Variants in HMGCS2 observed in about 807,000 individuals in gnomAD.
The protein encoded by HMGCS2 is 3-hydroxy-3-methylglutaryl-CoA synthase 2, also known as hydroxymethylglutaryl-CoA synthase, mitochondrial.
In HMGCS2, 50 loss-of-function variants were observed where a neutral mutation model predicts 57.4. The ratio of observed to expected loss-of-function variants is 0.87; its 90% CI spans 0.69 to 1.10. The LOEUF (loss-of-function observed/expected upper bound fraction) is 1.10, where lower values mean the gene tolerates loss of function less well. Among genes scored for constraint, HMGCS2 ranks in the 50% least tolerant of loss-of-function variants. The pLI is 0.00. For synonymous variants in HMGCS2, 254 were observed against 245.1 expected, an observed-to-expected ratio of 1.04 and a Z score of -0.34; for missense variants, 627 against 636.5, an observed-to-expected ratio of 0.99 and a Z score of 0.16.
chr1:119,768,474 C>T (rs752254722), intron 1 of HMGCS2, among the ~76,000 whole-genome samples: 31 of 152,206 alleles, frequency 2.0e-4, no homozygotes, highest in Non-Finnish European at 2.5e-4. Context: ...GATATTTCTA[C>T]TGCTTCATGC....
intron 4 of HMGCS2, among the ~76,000 whole-genome samples, chr1:119,757,889 C>T (rs1652903525): frequency 6.6e-6 from 1 of 152,214 alleles, no homozygotes; most frequent in Non-Finnish European, 1.5e-5. Context: ...CATTTTAGTG[C>T]TGGGATCCAA....
chr1:119,768,423 T>G (rs1187328155), intron 1 of HMGCS2, among the ~76,000 whole-genome samples: 1 of 151,984 alleles, frequency 6.6e-6, no homozygotes, highest in Non-Finnish European at 1.5e-5. Context: ...GGGGTGAAGG[T>G]GGGAATGGTG....
chr1:119,763,355 AGT>A (rs756383084), intron 2 of HMGCS2, among the ~76,000 whole-genome samples: 12 of 152,328 alleles, frequency 7.9e-5, no homozygotes, highest in Non-Finnish European at 1.5e-4. Flanking sequence ...GTAAATATAG[AGT>A]GTCTTAACTA....
intron 6 of HMGCS2, among the ~76,000 whole-genome samples, chr1:119,754,125 C>T (rs774651333): frequency 1.3e-5 from 2 of 151,366 alleles, no homozygotes; most frequent in African/African-American, 4.9e-5. Context: ...AGCTCGATCT[C>T]AGCTCACTGC....
chr1:119,751,220 T>C (rs1652648379), intron 8 of HMGCS2, among the ~76,000 whole-genome samples: 1 of 152,220 alleles, frequency 6.6e-6, no homozygotes, highest in African/African-American at 2.4e-5. Context: ...TGCCAATAGT[T>C]CCTACTTTGA....
Position 119,757,493 on chromosome 1 carries a change from T to C in HMGCS2, c.851-55A>G, listed in dbSNP as rs1652887689. On this transcript the variant is annotated intron_variant, in intron 4 of 9. Transcript: ENST00000369406. Reference sequence around the variant, plus strand: ...GGGCATGAGGGGCGAGCCATTTAGATATCCTCCCTGAGATTTAACTGTGCC... The same window carrying C: ...GGGCATGAGGGGCGAGCCATTTAGACATCCTCCCTGAGATTTAACTGTGCC... 2.5e-6 allele frequency: 4 copies of C among 1,612,988 alleles called. No homozygotes were observed. The Admixed American group carries it at 6.7e-5, about 27-fold the overall frequency.
intron 4 of HMGCS2, 116 bp from the exon 5 acceptor site, chr1:119,757,554 C>A (rs1652890154): frequency 6.5e-7 from 1 of 1,542,832 alleles, no homozygotes; most frequent in Admixed American, 1.9e-5. Context: ...CTACTTCCCA[C>A]CTCCTGCAAA....
In HMGCS2 at chr1:119,764,503, A is replaced by G. The variant is rs1571042674; in HGVS notation, c.228T>C (p.Tyr76=). The change falls in exon 2 of 10, where the codon TAT becomes TAC. Residue 76 remains tyrosine (Y), a synonymous_variant. Transcript: ENST00000369406. ...TATACTTTCCTGCTTCCACATTGTT[A>G]TACTTCTCCAGGTCAGTTTGGTCCA... is the stretch of plus-strand genomic sequence containing the variant. ...QYVDQTDLEK[Y]NNVEAGKYTV... is the part of the protein sequence containing the mutation. The G allele has an allele frequency of 6.2e-7, 1 of 1,613,316 alleles. No homozygotes were observed. The highest frequency in any genetic ancestry group is 8.5e-7 in the Non-Finnish European group (1 of 1,179,362).
chr1:119,764,968 TCGG>T (rs1557994452), intron 1 of HMGCS2, among the ~76,000 whole-genome samples: 15 of 152,362 alleles, frequency 9.8e-5, no homozygotes, highest in African/African-American at 3.6e-4. Context: ...TCTCTTGTGA[TCGG>T]TATATATATT....
chr1:119,749,518 G>A (rs1271129133), intron 9 of HMGCS2, among the ~76,000 whole-genome samples: 1 of 151,874 alleles, frequency 6.6e-6, no homozygotes, highest in Non-Finnish European at 1.5e-5. Flanking sequence ...ACAGGCTCCC[G>A]GGCAGTACCA....
rs898393396 is a variant in HMGCS2 at position 119,759,135 on chromosome 1, T to C, written c.833A>G (p.Gln278Arg). The C allele has an allele frequency of 1.9e-6, 3 of 1,614,116 alleles. No homozygotes were observed. The highest frequency in any genetic ancestry group is 1.3e-5 in the African/African-American group (1 of 74,936). The change falls in exon 4 of 10, where the codon CAG (glutamine) becomes CGG (arginine). Residue 278 changes from glutamine (Q) to arginine (R), a missense_variant. Transcript: ENST00000369406. ...TCTCATACCTTGCTTCCACTGATTCTGGATTTTTTTACGGTATGATGTGTA... is the reference window on the plus strand; with the variant it reads ...TCTCATACCTTGCTTCCACTGATTCCGGATTTTTTTACGGTATGATGTGTA... ...RCYTSYRKKIQNQWKQAGSDR... is the reference protein window; with the variant it reads ...RCYTSYRKKIRNQWKQAGSDR...
intron 8 of HMGCS2, among the ~76,000 whole-genome samples, chr1:119,752,231 G>A (rs1048459015): frequency 1.3e-5 from 2 of 152,300 alleles, no homozygotes; most frequent in East Asian, 1.9e-4. Flanking sequence ...TAGCTCTAAA[G>A]TCTGTACTCT....
At chr1:119,764,034 G>A (rs1653125670) in intron 2 of HMGCS2, 138 bp downstream of exon 2, 2 of 727,938 alleles carry the variant, frequency 2.7e-6, no homozygotes, top group East Asian at 5.4e-5. Context: ...GTTATTGTGG[G>A]ATGATAGCAG....
intron 1 of HMGCS2, 94 bp downstream of exon 1, chr1:119,768,647 C>A: frequency 1.0e-6 from 1 of 967,476 alleles, no homozygotes; most frequent in South Asian, 1.3e-5. Flanking sequence ...ACAAGCCTTG[C>A]CAAATTTTGA....
chr1:119,755,350 C>CTTTGTTTGTT (rs1553240121), intron 6 of HMGCS2, 77 bp downstream of exon 6: 8 of 1,418,514 alleles, frequency 5.6e-6, no homozygotes, highest in African/African-American at 1.4e-5. Context: ...AGAAACCCAA[C>CTTTGTTTGTT]TTTGTTGACC....
chr1:119,761,047 T>C (rs1211071209), intron 2 of HMGCS2, among the ~76,000 whole-genome samples: 1 of 151,250 alleles, frequency 6.6e-6, no homozygotes, highest in African/African-American at 2.4e-5. Flanking sequence ...CGAAAAAGTA[T>C]TGTTTTCTTC....
At chr1:119,749,328 T>C (rs999167948) in intron 9 of HMGCS2, among the ~76,000 whole-genome samples, 5 of 151,752 alleles carry the variant, frequency 3.3e-5, no homozygotes, top group Non-Finnish European at 5.9e-5. Context: ...CTTTAAAAAT[T>C]CCAAATTTCT....
intron 1 of HMGCS2, among the ~76,000 whole-genome samples, chr1:119,768,162 T>C (rs946422227): frequency 2.0e-5 from 3 of 152,106 alleles, no homozygotes; most frequent in Non-Finnish European, 4.4e-5. Flanking sequence ...TCGCTGACAA[T>C]GGAAAACATA....
chr1:119,755,559 A>C lies in HMGCS2; in HGVS notation c.1055T>G (p.Leu352Arg). 1 of 1,614,128 alleles carries C rather than the reference A, an allele frequency of 6.2e-7. No homozygotes were observed. Among genetic ancestry groups the C allele is most frequent in the Non-Finnish European group, 8.5e-7 (1 of 1,180,030 alleles). Residue 352 changes from leucine to arginine, a missense_variant, in exon 6 of 10, where the codon CTG becomes CGG. By Grantham distance (102) the Leu-to-Arg change is moderately radical. Transcript: ENST00000369406. Reference protein sequence around the residue: ...KLEDTYTNKDLDKALLKASQD... With the variant: ...KLEDTYTNKDRDKALLKASQD... ...AGAGGCCTTTAGAAGTGCTTTATCC[A>C]GGTCCTTGTTGGTGTAGGTGTCTTC...
Sources: gnomAD v4.1 joint callset for allele counts (sites outside exome capture counted in the v4.1 genomes callset) on GRCh38, gnomAD v4.1.1 for gene constraint, MANE v1.5 for transcripts, NCBI Gene and HGNC (gene_info 2026-07-23, HGNC 2026-07-21) for gene names.